NIPBL: variants seen among roughly 807,000 people sequenced by gnomAD.
NIPBL encodes the protein NIPBL cohesin loading factor.
NIPBL carries 19 observed loss-of-function variants against 321.8 expected under a neutral mutation model. That is an observed-to-expected ratio of 0.06 (90% CI 0.04 to 0.09). The LOEUF (loss-of-function observed/expected upper bound fraction) is 0.09. NIPBL is among the 10% of genes least tolerant of loss of function. The probability of loss-of-function intolerance (pLI) is 1.00; values close to 1 mark genes in which losing one functional copy is unlikely to be tolerated. For synonymous variants in NIPBL, 1,106 were observed against 1,114.1 expected, an observed-to-expected ratio of 0.99 and a Z score of 0.14; for missense variants, 2,210 against 3,327.0, an observed-to-expected ratio of 0.66 and a Z score of 8.26.
intron 1 of NIPBL, chr5:36,885,750 G>A (rs1406527478): frequency 5.0e-6 from 3 of 602,206 alleles, no homozygotes; most frequent in African/African-American, 1.8e-5. Context: ...AACGACATCC[G>A]TGGGCTCTGC....
rs1172502916 is a variant in NIPBL, at chr5:36,976,075, A to T, written c.1168A>T (p.Ile390Phe). ...AAATAGCAATGTTTCAGAAAATGAT[A>T]TTCCTTTTAATGTGCAGTACCCAGG... ...VENSNVSEND[I>F]PFNVQYPGQT... Residue 390 changes from isoleucine (I) to phenylalanine (F), a missense_variant, in exon 9 of 47, where the codon ATT becomes TTT. Ile to Phe is a conservative substitution (Grantham distance 21, BLOSUM62 0). This residue lies in a region of NIPBL where 464 missense variants were observed against 529.5 expected (regional missense o/e 0.88). Coordinates refer to ENST00000282516, the MANE Select transcript of NIPBL (RefSeq NM_133433.4). 1.2e-6 allele frequency: 2 copies of T among 1,614,036 alleles called. No homozygotes were observed. Among genetic ancestry groups the T allele is most frequent in the South Asian group, 2.2e-5 (2 of 91,080 alleles).
chr5:36,919,080 G>A (rs751011091), intron 1 of NIPBL, among the ~76,000 whole-genome samples: 20 of 151,986 alleles, frequency 1.3e-4, no homozygotes, highest in Non-Finnish European at 2.5e-4. Context: ...CTCTTGATTG[G>A]AATAGTTTCA....
At chr5:37,001,155 A>C in intron 14 of NIPBL, 77 bp downstream of exon 14, 2 of 953,604 alleles carry the variant, frequency 2.1e-6, no homozygotes, top group Non-Finnish European at 3.4e-6. Context: ...CAGTTACTCT[A>C]GTGATGTGTC....
At chr5:36,925,046 A>G (rs192544418) in intron 1 of NIPBL, among the ~76,000 whole-genome samples, 45 of 152,338 alleles carry the variant, frequency 3.0e-4, no homozygotes, top group Admixed American at 5.9e-4. Context: ...TTATGCAGGT[A>G]TTTCATAAGT....
intron 33 of NIPBL, among the ~76,000 whole-genome samples, chr5:37,037,980 CT>C (rs1242046024): frequency 7.1e-6 from 1 of 140,902 alleles, no homozygotes; most frequent in Non-Finnish European, 1.5e-5. Context: ...CCCATATTCA[CT>C]TCCTTTTTTT....
intron 9 of NIPBL, among the ~76,000 whole-genome samples, chr5:36,983,425 A>C (rs546960819): frequency 6.6e-6 from 1 of 152,014 alleles, no homozygotes; most frequent in East Asian, 1.9e-4. Context: ...TATATAGAAG[A>C]AGCATTACCA....
Position 36,901,500 on chromosome 5 carries a change from C to CTTTT in NIPBL, c.-80+24345_-80+24348dup, listed in dbSNP as rs35178851. 2.2e-4 allele frequency among the ~76,000 whole-genome samples: 17 copies of CTTTT among 77,450 alleles called. 1 individual carries two copies. Among genetic ancestry groups the CTTTT allele is most frequent in the African/African-American group, 6.6e-4 (12 of 18,130 alleles). The allele number at this position is 77,450 out of a possible 152,430, so 50.8% of individuals were successfully genotyped here. ...CTGGGTTGCATGGTCCTTCTAAGTCCTTTTTTTTTTTTTTTTTTTTTTTTT... is the reference window on the plus strand; with the variant it reads ...CTGGGTTGCATGGTCCTTCTAAGTCCTTTTTTTTTTTTTTTTTTTTTTTTTTTTT... On this transcript the variant is annotated intron_variant, in intron 1 of 46. Transcript: ENST00000282516.
At chr5:37,012,139 C>CTT (rs550899153) in intron 21 of NIPBL, among the ~76,000 whole-genome samples, 3 of 139,446 alleles carry the variant, frequency 2.2e-5, no homozygotes, top group East Asian at 2.1e-4. Context: ...CTTTAAATTT[C>CTT]TTTTTTTTTT....
intron 6 of NIPBL, among the ~76,000 whole-genome samples, chr5:36,968,485 G>T (rs1453783426): frequency 6.6e-6 from 1 of 151,824 alleles, no homozygotes; most frequent in Non-Finnish European, 1.5e-5. Flanking sequence ...AGGAGAATGG[G>T]GTTAGCCTGG....
chr5:36,902,141 A>G (rs566633537), intron 1 of NIPBL, among the ~76,000 whole-genome samples: 1 of 150,892 alleles, frequency 6.6e-6, no homozygotes, highest in Admixed American at 6.6e-5. Context: ...TAGATTCCTT[A>G]CAGATTCTGG....
intron 32 of NIPBL, 127 bp downstream of exon 32, chr5:37,027,539 A>T (rs377226921): frequency 2.3e-4 from 106 of 461,808 alleles, no homozygotes; most frequent in South Asian, 6.4e-4. Context: ...GGGAAAATTT[A>T]TTTCAATATG....
At chr5:36,882,340 CAG>C (rs1745570964) in intron 1 of NIPBL, among the ~76,000 whole-genome samples, 1 of 151,752 alleles carries the variant, frequency 6.6e-6, no homozygotes, top group African/African-American at 2.4e-5. Flanking sequence ...TTCCATGTGA[CAG>C]AAACTGTGCG....
At chr5:36,955,896 G>T (rs576338213) in intron 3 of NIPBL, among the ~76,000 whole-genome samples, 1 of 151,836 alleles carries the variant, frequency 6.6e-6, no homozygotes, top group African/African-American at 2.4e-5. Context: ...TATCTTGGGG[G>T]ATCCATCATT....
chr5:36,964,503 C>G (rs944301499), intron 6 of NIPBL, among the ~76,000 whole-genome samples: 5 of 152,042 alleles, frequency 3.3e-5, no homozygotes, highest in Non-Finnish European at 7.4e-5. Flanking sequence ...AAAGGACAGT[C>G]TCTTCAATAA....
intron 6 of NIPBL, among the ~76,000 whole-genome samples, chr5:36,963,567 T>TG (rs1741865546): frequency 6.6e-6 from 1 of 150,878 alleles, no homozygotes; most frequent in South Asian, 2.1e-4. Flanking sequence ...TGTAGGAGGC[T>TG]GGGGCAGAGG....
chr5:36,991,745 GTT>G (rs34780358), intron 10 of NIPBL, among the ~76,000 whole-genome samples: 3 of 127,546 alleles, frequency 2.4e-5, no homozygotes, highest in Non-Finnish European at 3.4e-5. Context: ...GCCTGCCCAA[GTT>G]TTTTTTTTTT....
chr5:36,910,589 C>T (rs1307612581), intron 1 of NIPBL, among the ~76,000 whole-genome samples: 8 of 152,142 alleles, frequency 5.3e-5, no homozygotes, highest in Non-Finnish European at 7.4e-5. Context: ...GGTCTCTTTT[C>T]GGCTTAAGTA....
chr5:36,948,579 A>G (rs1270075366), intron 1 of NIPBL, among the ~76,000 whole-genome samples: 2 of 151,906 alleles, frequency 1.3e-5, no homozygotes, highest in African/African-American at 4.8e-5. Flanking sequence ...AGTGTATTCA[A>G]AGATGGAGAA....
At chr5:36,969,564 A>G (rs1742625491) in intron 6 of NIPBL, among the ~76,000 whole-genome samples, 1 of 152,242 alleles carries the variant, frequency 6.6e-6, no homozygotes, top group Admixed American at 6.5e-5. Context: ...AACAAGTAAC[A>G]TTGGATCCCT....
Sources: allele counts gnomAD v4.1 joint callset (sites outside exome capture counted in the v4.1 genomes callset), GRCh38; gene constraint gnomAD v4.1.1; regional missense constraint gnomAD v4.1.1; transcripts MANE v1.5; gene names NCBI Gene and HGNC (gene_info 2026-07-23, HGNC 2026-07-21).